The following GRID2 variants were observed in gnomAD, a reference collection of about 807,000 sequenced individuals.
GRID2 encodes glutamate receptor ionotropic, delta-2.
In GRID2, 33 loss-of-function variants were observed where a neutral mutation model predicts 114.8. The observed-to-expected ratio is 0.29, with a 90% CI of 0.22 to 0.38. The LOEUF is 0.38. GRID2 is among the 10% of genes least tolerant of loss of function. GRID2 has a pLI of 1.00. For missense variants in GRID2, 1,184 were observed against 1,257.7 expected (o/e 0.94, Z 0.89); for synonymous variants, 505 against 449.9 (o/e 1.12, Z -1.55).
At chr4:92,532,134 G>C (rs964593411) in intron 1 of GRID2, among the ~76,000 whole-genome samples, 6 of 151,870 alleles carry the variant, frequency 4.0e-5, no homozygotes, top group East Asian at 3.9e-4. Flanking sequence ...AGTTTCTGTT[G>C]AGTGGGATAT....
intron 2 of GRID2, among the ~76,000 whole-genome samples, chr4:92,668,242 T>C (rs190276421): frequency 6.6e-6 from 1 of 151,790 alleles, no homozygotes; most frequent in African/African-American, 2.4e-5. Flanking sequence ...TATTTCCAGC[T>C]TTTTTGGCTT....
intron 4 of GRID2, among the ~76,000 whole-genome samples, chr4:93,136,828 G>A (rs921800621): frequency 2.0e-5 from 3 of 152,020 alleles, no homozygotes; most frequent in African/African-American, 4.8e-5. Flanking sequence ...GGAGATAAAA[G>A]GAACAATGAT....
intron 2 of GRID2, among the ~76,000 whole-genome samples, chr4:92,679,588 T>G (rs1044717625): frequency 6.6e-6 from 1 of 152,058 alleles, no homozygotes; most frequent in African/African-American, 2.4e-5. Context: ...AAAAAGCATA[T>G]TGTTAAGGAA....
chr4:93,415,123 T>C (rs1417598077), intron 9 of GRID2, among the ~76,000 whole-genome samples: 1 of 152,122 alleles, frequency 6.6e-6, no homozygotes, highest in Non-Finnish European at 1.5e-5. Flanking sequence ...TGTTTGTAAA[T>C]ATCATCACCA....
At chr4:93,692,184 C>G (rs955989272) in intron 14 of GRID2, among the ~76,000 whole-genome samples, 3 of 151,434 alleles carry the variant, frequency 2.0e-5, no homozygotes, top group African/African-American at 7.3e-5. Context: ...GAAAAATGGT[C>G]AAGAAAGTGA....
chr4:92,838,210 A>G (rs1425981179), intron 2 of GRID2, among the ~76,000 whole-genome samples: 1 of 152,114 alleles, frequency 6.6e-6, no homozygotes, highest in African/African-American at 2.4e-5. Flanking sequence ...AGATACACAA[A>G]TGGGTGACTG....
chr4:92,707,980 G>A (rs892964943), intron 2 of GRID2, among the ~76,000 whole-genome samples: 5 of 152,138 alleles, frequency 3.3e-5, no homozygotes, highest in African/African-American at 1.2e-4. Context: ...ATGAATGAGG[G>A]AATGAGAACC....
chr4:92,816,318 C>CAAAAAA (rs764487348), intron 2 of GRID2, among the ~76,000 whole-genome samples: 9 of 48,254 alleles, frequency 1.9e-4, no homozygotes, highest in African/African-American at 6.4e-4. Context: ...TCTGTCTCAC[C>CAAAAAA]AAAAAAAAAA....
intron 2 of GRID2, among the ~76,000 whole-genome samples, chr4:93,051,366 G>A (rs756623913): frequency 6.1e-4 from 92 of 151,982 alleles, no homozygotes; most frequent in Admixed American, 1.8e-3. Flanking sequence ...CCAAAGCACT[G>A]AAAAAGTGTT....
At chr4:92,770,031 C>T (rs1467504923) in intron 2 of GRID2, among the ~76,000 whole-genome samples, 2 of 152,142 alleles carry the variant, frequency 1.3e-5, no homozygotes, top group East Asian at 3.9e-4. Flanking sequence ...GCAAATTTTC[C>T]AAACTTTTAT....
At chr4:92,972,175 T>G (rs1015753243) in intron 2 of GRID2, among the ~76,000 whole-genome samples, 18 of 151,844 alleles carry the variant, frequency 1.2e-4, no homozygotes, top group Non-Finnish European at 2.6e-4. Context: ...GTGTATAAGA[T>G]TTCTCTTTTC....
At chr4:93,499,055 T>A (rs2149471057) in intron 12 of GRID2, among the ~76,000 whole-genome samples, 1 of 152,062 alleles carries the variant, frequency 6.6e-6, no homozygotes, top group African/African-American at 2.4e-5. Flanking sequence ...TTTTTCTTTA[T>A]TAGCCTGTTT....
At position 93,518,448 on chromosome 4, in the gene GRID2, A is replaced by T. The variant is rs564952179; in HGVS notation, c.2193+3037A>T. 1.3e-4 allele frequency among the ~76,000 whole-genome samples: 20 copies of T among 152,242 alleles called. No homozygotes were observed. The East Asian group carries it at 3.9e-3, about 29-fold the overall frequency. ...AGAAAAAATATGATTTTTAAAATGC[A>T]GCTGAATTTTTTATGCATTCATTCA... On this transcript the variant is annotated intron_variant, in intron 13 of 15. Transcript: ENST00000282020.
At chr4:92,651,419 C>T (rs1731926504) in intron 2 of GRID2, among the ~76,000 whole-genome samples, 1 of 151,990 alleles carries the variant, frequency 6.6e-6, no homozygotes, top group South Asian at 2.1e-4. Context: ...CCTCCGTGGC[C>T]ACTTTGTTCA....
intron 14 of GRID2, among the ~76,000 whole-genome samples, chr4:93,709,653 C>A (rs1330009456): frequency 1.3e-5 from 2 of 152,054 alleles, no homozygotes; most frequent in African/African-American, 4.8e-5. Context: ...CGTTATTGTC[C>A]CTTTGAATAA....
At chr4:93,014,756 T>C (rs116475033) in intron 2 of GRID2, among the ~76,000 whole-genome samples, 47 of 152,272 alleles carry the variant, frequency 3.1e-4, no homozygotes, top group African/African-American at 1.1e-3. Context: ...ACTTGGAATT[T>C]TAATATGTTA....
rs112883763 is a variant in GRID2, at chr4:93,060,049, A to G, written c.245-24946A>G. 9.5e-4 allele frequency among the ~76,000 whole-genome samples: 145 copies of G among 152,124 alleles called. 1 individual carries two copies. Among genetic ancestry groups the G allele is most frequent in the South Asian group, 5.8e-3 (28 of 4,812 alleles). On this transcript the variant is annotated intron_variant, in intron 2 of 15. Transcript: ENST00000282020. ...TTGTCTGCTTATAGTTTAAATTAAG[A>G]TCAACAAAAAGTTTATGTTTAGTCA...
intron 8 of GRID2, among the ~76,000 whole-genome samples, chr4:93,249,763 C>T (rs372262665): frequency 1.3e-5 from 2 of 151,882 alleles, no homozygotes; most frequent in South Asian, 4.2e-4. Context: ...TATCACTGGT[C>T]ATTAAAAAAA....
At chr4:93,180,148 C>T (rs11945891) in intron 4 of GRID2, among the ~76,000 whole-genome samples, 3 of 151,784 alleles carry the variant, frequency 2.0e-5, no homozygotes, top group Non-Finnish European at 4.4e-5. Flanking sequence ...ACATGCAACC[C>T]GTCAAAAAAG....
Sources: allele counts gnomAD v4.1 joint callset (sites outside exome capture counted in the v4.1 genomes callset), GRCh38; gene constraint gnomAD v4.1.1; transcripts MANE v1.5; gene names NCBI Gene and HGNC (gene_info 2026-07-23, HGNC 2026-07-21).